Variants in TMOD1 observed in about 807,000 individuals in gnomAD.
TMOD1 encodes the protein tropomodulin 1.
In TMOD1, 17 loss-of-function variants were observed where a neutral mutation model predicts 40.6. The ratio of observed to expected loss-of-function variants is 0.42; its 90% CI spans 0.29 to 0.63. The LOEUF (loss-of-function observed/expected upper bound fraction) is 0.63, where lower values mean the gene tolerates loss of function less well. Among genes scored for constraint, TMOD1 ranks in the 20% least tolerant of loss-of-function variants. The probability of loss-of-function intolerance (pLI) is 0.22; values close to 1 mark genes in which losing one functional copy is unlikely to be tolerated. For synonymous variants in TMOD1, 181 were observed against 175.0 expected, an observed-to-expected ratio of 1.03 and a Z score of -0.27; for missense variants, 391 against 447.6, an observed-to-expected ratio of 0.87 and a Z score of 1.14.
rs770527429 is a variant in TMOD1, at chr9:97,599,653, G to A, written c.1035G>A (p.Ala345=). 1.7e-4 allele frequency: 275 copies of A among 1,614,146 alleles called. No individual in the cohort carries two copies. Among genetic ancestry groups the A allele is most frequent in the East Asian group, 2.5e-4 (11 of 44,890 alleles). Reference sequence around the variant, plus strand: ...TTCCAGTGAGGAAGAGGAGGCTTGCGGACCTGACTGGGCCCATCATTCCCA... The same window carrying A: ...TTCCAGTGAGGAAGAGGAGGCTTGCAGACCTGACTGGGCCCATCATTCCCA... ...NNDLVRKRRL[A]DLTGPIIPKC... The change falls in exon 10 of 10, where the codon GCG becomes GCA. Residue 345 remains alanine, a synonymous_variant. Transcript: ENST00000259365.
intron 7 of TMOD1, among the ~76,000 whole-genome samples, chr9:97,567,922 A>G (rs914428638): frequency 2.0e-5 from 3 of 152,310 alleles, no homozygotes; most frequent in African/African-American, 7.2e-5. Context: ...AGTATGTCCT[A>G]TCAGCTGCTG....
chr9:97,536,975 T>G (rs1189499350), intron 2 of TMOD1, among the ~76,000 whole-genome samples: 1 of 152,214 alleles, frequency 6.6e-6, no homozygotes, highest in African/African-American at 2.4e-5. Flanking sequence ...TTATGCATGG[T>G]GAGCCACCAG....
chr9:97,585,362 G>C (rs1268914431), intron 8 of TMOD1, among the ~76,000 whole-genome samples: 1 of 151,738 alleles, frequency 6.6e-6, no homozygotes, highest in African/African-American at 2.4e-5. Flanking sequence ...TAGGGTTTCT[G>C]CCGAGAGATC....
rs78924160 is a variant in TMOD1 at position 97,593,899 on chromosome 9, C to G, written c.1015+2464C>G. Among the ~76,000 whole-genome samples, 633 of 151,902 alleles carry G rather than the reference C, an allele frequency of 4.2e-3. 2 individuals are homozygous for G. The highest frequency in any genetic ancestry group is 0.015 in the African/African-American group (614 of 41,404). On this transcript the variant is annotated intron_variant, in intron 9 of 9. Transcript: ENST00000259365. ...GAGGAACTGTTAAAAGGAGTTAGAC[C>G]TAGGAGGAAAAATGAGTTCACAAAG...
intron 2 of TMOD1, among the ~76,000 whole-genome samples, chr9:97,533,331 G>A (rs1038613158): frequency 6.6e-6 from 1 of 152,200 alleles, no homozygotes; most frequent in South Asian, 2.1e-4. Context: ...GGCACGTGGT[G>A]GTCCTTAATA....
At chr9:97,575,366 C>T (rs1830915520) in intron 8 of TMOD1, among the ~76,000 whole-genome samples, 1 of 152,222 alleles carries the variant, frequency 6.6e-6, no homozygotes, top group African/African-American at 2.4e-5. Flanking sequence ...TCCGGACACA[C>T]CGCCTTTAAG....
At chr9:97,508,742 TC>T (rs1304007585) in intron 1 of TMOD1, among the ~76,000 whole-genome samples, 1 of 151,820 alleles carries the variant, frequency 6.6e-6, no homozygotes, top group Non-Finnish European at 1.5e-5. Flanking sequence ...TTAAACAGGG[TC>T]CCCCCCAAAA....
intron 7 of TMOD1, among the ~76,000 whole-genome samples, 190 bp from the exon 8 acceptor site, chr9:97,568,704 T>C (rs540811470): frequency 6.6e-6 from 1 of 152,270 alleles, no homozygotes; most frequent in South Asian, 2.1e-4. Context: ...CAGCATAGAA[T>C]TCTCCTGTGG....
intron 1 of TMOD1, among the ~76,000 whole-genome samples, chr9:97,514,275 CTTT>C (rs71369513): frequency 8.2e-6 from 1 of 121,802 alleles, no homozygotes; most frequent in Non-Finnish European, 1.7e-5. Context: ...TTTTCTTTTT[CTTT>C]TTTTTTTTTT....
chr9:97,599,522 A>ACTC, intron 9 of TMOD1, 112 bp from the exon 10 acceptor site: 1 of 1,342,100 alleles, frequency 7.5e-7, no homozygotes, highest in Non-Finnish European at 1.0e-6. Context: ...CAGACTTCAG[A>ACTC]CTCTGTTAAC....
rs148398988 is a variant in TMOD1 at position 97,540,536 on chromosome 9, T to C, written c.121-5649T>C. Among the ~76,000 whole-genome samples, 156 of 152,342 alleles carry C rather than the reference T, an allele frequency of 1.0e-3. 1 individual carries two copies. The highest frequency in any genetic ancestry group is 3.5e-3 in the African/African-American group (144 of 41,578). On this transcript the variant is annotated intron_variant, in intron 2 of 9. Transcript: ENST00000259365. ...TCAACGTATGAGTTGGAGGCACACA[T>C]TCCAGTCCATAACACCAGCCCTAGG...
chr9:97,547,126 C>A (rs1830375639), intron 3 of TMOD1, among the ~76,000 whole-genome samples: 1 of 152,078 alleles, frequency 6.6e-6, no homozygotes, highest in Non-Finnish European at 1.5e-5. Context: ...CAGCCTGAGG[C>A]AAGCCATCTT....
chr9:97,563,926 C>T (rs980873550), intron 5 of TMOD1, 112 bp from the exon 6 acceptor site: 2 of 1,367,544 alleles, frequency 1.5e-6, no homozygotes, highest in African/African-American at 1.5e-5. Flanking sequence ...CTGTGATGTG[C>T]AGCCCTCACG....
intron 7 of TMOD1, among the ~76,000 whole-genome samples, chr9:97,567,752 C>T (rs1012853447): frequency 3.9e-5 from 6 of 152,046 alleles, no homozygotes; most frequent in Admixed American, 1.3e-4. Flanking sequence ...CATGCCATCC[C>T]GGGGGCACAC....
intron 2 of TMOD1, among the ~76,000 whole-genome samples, chr9:97,542,954 G>A (rs1207139785): frequency 6.6e-6 from 1 of 152,102 alleles, no homozygotes; most frequent in Admixed American, 6.5e-5. Context: ...CTAGGAGATA[G>A]AGAGCAGAAA....
chr9:97,594,284 T>G (rs1826060074), intron 9 of TMOD1, among the ~76,000 whole-genome samples: 2 of 152,226 alleles, frequency 1.3e-5, no homozygotes, highest in African/African-American at 4.8e-5. Flanking sequence ...AAAATGAAAT[T>G]TGCGCCCATC....
intron 2 of TMOD1, among the ~76,000 whole-genome samples, chr9:97,529,559 A>T (rs1830068513): frequency 6.6e-6 from 1 of 151,772 alleles, no homozygotes; most frequent in Non-Finnish European, 1.5e-5. Flanking sequence ...AGTCCCCAAA[A>T]CTTTCTATCT....
Position 97,601,133 on chromosome 9 carries a change from C to T in TMOD1, c.*1435C>T. 3.1e-6 allele frequency: 4 copies of T among 1,304,158 alleles called. No homozygotes were observed. The highest frequency in any genetic ancestry group is 4.0e-6 in the Non-Finnish European group (4 of 988,904). The allele number at this position is 1,304,158 out of a possible 1,614,324, so 80.8% of individuals were successfully genotyped here. A position where few individuals can be genotyped will look rare whatever the true frequency, so the allele number is the denominator to read the frequency against. On this transcript the variant is annotated 3_prime_UTR_variant, in exon 10 of 10. Transcript: ENST00000259365. ...GTGTCCACTGAGGCTGCACATGGCC[C>T]AGGAGTGGCACCATGTTGCAGGGAC...
intron 8 of TMOD1, among the ~76,000 whole-genome samples, chr9:97,583,067 C>G (rs1330787843): frequency 6.7e-6 from 1 of 148,282 alleles, no homozygotes; most frequent in Non-Finnish European, 1.5e-5. Context: ...GAGGGCATCC[C>G]TGTCTTGTGC....
Sources: allele counts gnomAD v4.1 joint callset (sites outside exome capture counted in the v4.1 genomes callset), GRCh38; gene constraint gnomAD v4.1.1; transcripts MANE v1.5; gene names NCBI Gene and HGNC (gene_info 2026-07-23, HGNC 2026-07-21).